The following STAB2 variants were observed in gnomAD, a reference collection of about 807,000 sequenced individuals.
The protein encoded by STAB2 is stabilin 2.
A neutral mutation model predicts 338.1 loss-of-function variants in STAB2; 288 were observed. The ratio of observed to expected loss-of-function variants is 0.85; its 90% CI spans 0.77 to 0.94. The LOEUF is 0.94. Among genes scored for constraint, STAB2 ranks in the 40% least tolerant of loss-of-function variants. The pLI, the probability that STAB2 is intolerant of heterozygous loss-of-function variation, is 0.00. For synonymous variants in STAB2, 1,202 were observed against 1,193.3 expected (o/e 1.01, Z -0.15); for missense variants, 3,141 against 3,210.1 (o/e 0.98, Z 0.52).
chr12:103,705,799 C>T lies in STAB2; in HGVS notation c.3996+72C>T. The T allele has an allele frequency of 5.5e-6, 8 of 1,441,632 alleles. No homozygotes were observed. The South Asian group carries it at 8.1e-5, about 15-fold the overall frequency. The allele number at this position is 1,441,632 out of a possible 1,614,324, so 89.3% of individuals were successfully genotyped here. ...AAAATCCATCATATGGTATCCTTTT[C>T]AAAATCCCTGTGCAGGTATGCTTTC... On this transcript the variant is annotated intron_variant, in intron 37 of 68. Transcript: ENST00000388887.
intron 44 of STAB2, among the ~76,000 whole-genome samples, chr12:103,722,897 C>T (rs539609024): frequency 2.0e-5 from 3 of 152,276 alleles, no homozygotes; most frequent in African/African-American, 7.2e-5. Flanking sequence ...GGAGACATCA[C>T]CCTCAGATAG....
intron 28 of STAB2, among the ~76,000 whole-genome samples, chr12:103,688,641 T>C (rs948339570): frequency 6.6e-6 from 1 of 152,146 alleles, no homozygotes; most frequent in Non-Finnish European, 1.5e-5. Flanking sequence ...CAACAAATGG[T>C]TTATCCCCTT....
chr12:103,676,221 C>T (rs11111709), intron 24 of STAB2, among the ~76,000 whole-genome samples, 200 bp downstream of exon 24: 10,071 of 152,090 alleles, frequency 0.066, 401 homozygotes, highest in African/African-American at 0.11. Flanking sequence ...GCCACCACCC[C>T]GGCTAATTTT....
At chr12:103,636,831 C>T (rs831432) in intron 6 of STAB2, among the ~76,000 whole-genome samples, 107,929 of 152,062 alleles carry the variant, frequency 0.71, 38,711 homozygotes, top group Middle Eastern at 0.81. Context: ...CATAATATAT[C>T]GTTAAATTAA....
intron 52 of STAB2, 60 bp downstream of exon 52, chr12:103,735,640 C>A: frequency 1.6e-6 from 2 of 1,274,872 alleles, no homozygotes; most frequent in African/African-American, 1.5e-5. Flanking sequence ...CAAGCTATTC[C>A]CCAACAACTG....
intron 63 of STAB2, 124 bp downstream of exon 63, chr12:103,755,842 C>G (rs1363836601): frequency 3.5e-6 from 3 of 859,416 alleles, no homozygotes; most frequent in Non-Finnish European, 5.5e-6. Flanking sequence ...GCTGGACCAC[C>G]TTGCCTGAAT....
intron 17 of STAB2, among the ~76,000 whole-genome samples, chr12:103,661,390 T>A (rs961214114): frequency 9.9e-5 from 15 of 152,218 alleles, no homozygotes; most frequent in African/African-American, 3.6e-4. Flanking sequence ...CTGTTGATGG[T>A]GATGATTATC....
At chr12:103,708,624 C>CT (rs1182895153) in intron 39 of STAB2, 88 bp downstream of exon 39, 23 of 1,183,910 alleles carry the variant, frequency 1.9e-5, no homozygotes, top group Middle Eastern at 4.0e-4. Flanking sequence ...TAAATGACAC[C>CT]TTTTTTTACT....
At chr12:103,684,388 C>T (rs1486083314) in intron 26 of STAB2, among the ~76,000 whole-genome samples, 1 of 152,082 alleles carries the variant, frequency 6.6e-6, no homozygotes, top group Non-Finnish European at 1.5e-5. Context: ...GCGTGGGGGA[C>T]TAATTCTCTG....
At chr12:103,734,243 G>A (rs888665380) in intron 51 of STAB2, among the ~76,000 whole-genome samples, 48 of 146,070 alleles carry the variant, frequency 3.3e-4, no homozygotes, top group Non-Finnish European at 4.2e-4. Context: ...CATCATAAAG[G>A]AGCAAGCATG....
intron 34 of STAB2, among the ~76,000 whole-genome samples, chr12:103,701,367 C>G (rs1211571391): frequency 1.3e-5 from 2 of 151,980 alleles, no homozygotes; most frequent in African/African-American, 4.8e-5. Flanking sequence ...GGGTATATAC[C>G]CAGTAATGGG....
In STAB2 at chr12:103,766,478, G is replaced by T; in HGVS notation, c.*142G>T. The T allele has an allele frequency of 1.0e-6, 1 of 973,294 alleles. No individual in the cohort carries two copies. Among genetic ancestry groups the T allele is most frequent in the East Asian group, 2.6e-5 (1 of 37,762 alleles). 60.3% of individuals were successfully genotyped at this position (973,294 alleles called of 1,614,324 possible). On this transcript the variant is annotated 3_prime_UTR_variant, in exon 69 of 69. Transcript: ENST00000388887. ...CCTCATCTCTCTGGCTGATCTGGGG[G>T]TTGTTTCTGTGGGTGAGAGATGTGT...
Position 103,660,833 on chromosome 12 carries a change from G to A in STAB2, c.1869+70G>A, listed in dbSNP as rs960617005. 8 of 1,501,176 alleles carry A rather than the reference G, an allele frequency of 5.3e-6. No homozygotes were observed. In the African/African-American group the frequency reaches 1.1e-4, roughly 21 times the overall value. The allele number at this position is 1,501,176 out of a possible 1,614,324, so 93.0% of individuals were successfully genotyped here. A position where few individuals can be genotyped will look rare whatever the true frequency, so the allele number is the denominator to read the frequency against. On this transcript the variant is annotated intron_variant, in intron 17 of 68. Transcript: ENST00000388887. ...TTGCTCGATAATGATTATTCATCAG[G>A]TTATCCTGCCTCTATGCTAACTCAT...
chr12:103,693,198 A>C (rs1329824928), intron 31 of STAB2, among the ~76,000 whole-genome samples: 1 of 152,150 alleles, frequency 6.6e-6, no homozygotes, highest in African/African-American at 2.4e-5. Flanking sequence ...TCACGCCTAT[A>C]ATCCTAGCAT....
At chr12:103,620,880 C>G (rs190728434) in intron 4 of STAB2, among the ~76,000 whole-genome samples, 81 of 152,150 alleles carry the variant, frequency 5.3e-4, no homozygotes, top group South Asian at 3.9e-3. Context: ...GGGAGGATCA[C>G]GAGGTCAGGA....
rs772824378 is a variant in STAB2 at position 103,758,221 on chromosome 12, C to T, written c.7039C>T (p.His2347Tyr). 2.5e-6 allele frequency: 4 copies of T among 1,614,166 alleles called. No homozygotes were observed. The highest frequency in any genetic ancestry group is 3.4e-6 in the Non-Finnish European group (4 of 1,180,036). ...AGCTCGAGGCCGTGCATTTCTAGAA[C>T]ACCTGACTGACCTGTCCATCCGCGG... is the stretch of plus-strand genomic sequence containing the variant. The part of the protein sequence containing the change: ...SSARGRAFLE[H>Y]LTDLSIRGTL... The change falls in exon 64 of 69, where the codon CAC becomes TAC. Residue 2347 changes from histidine (H) to tyrosine (Y), a missense_variant. Coordinates refer to ENST00000388887, the MANE Select transcript of STAB2 (RefSeq NM_017564.10).
intron 8 of STAB2, among the ~76,000 whole-genome samples, chr12:103,639,568 A>G (rs1957605031): frequency 6.6e-6 from 1 of 152,018 alleles, no homozygotes; most frequent in Non-Finnish European, 1.5e-5. Flanking sequence ...GCTGGGCATG[A>G]TGGTCCACAC....
intron 7 of STAB2, 78 bp downstream of exon 7, chr12:103,637,314 C>G (rs1391783702): frequency 6.6e-7 from 1 of 1,523,892 alleles, no homozygotes; most frequent in Non-Finnish European, 8.8e-7. Flanking sequence ...ATCTCACAAC[C>G]TCCTTAACAC....
Position 103,657,480 on chromosome 12 carries a change from T to A in STAB2, c.1734+1899T>A, listed in dbSNP as rs143670468. The A allele has an allele frequency of 3.2e-3, 494 of 152,320 alleles. 1 individual carries two copies. The highest frequency in any genetic ancestry group is 0.011 in the African/African-American group (478 of 41,566). 9.4% of individuals were successfully genotyped at this position (152,320 alleles called of 1,614,324 possible). A position where few individuals can be genotyped will look rare whatever the true frequency, so the allele number is the denominator to read the frequency against. ...TCTTCTCTTTCTCCTCCCTTGTAAC[T>A]CCTTCCAGTGGTATCTGGAAATGAC... On this transcript the variant is annotated intron_variant, in intron 15 of 68. Transcript: ENST00000388887.
Sources: gnomAD v4.1 joint callset for allele counts (sites outside exome capture counted in the v4.1 genomes callset) on GRCh38, gnomAD v4.1.1 for gene constraint, MANE v1.5 for transcripts, NCBI Gene and HGNC (gene_info 2026-07-23, HGNC 2026-07-21) for gene names.